Variants in EFCAB11 observed in about 807,000 individuals in gnomAD.
The protein encoded by EFCAB11 is EF-hand calcium binding domain 11.
Under a neutral mutation model 23.0 loss-of-function variants are expected in EFCAB11, and 14 were observed. The ratio of observed to expected loss-of-function variants is 0.61; its 90% CI spans 0.40 to 0.95. The LOEUF (loss-of-function observed/expected upper bound fraction) is 0.95. Ranked by LOEUF, EFCAB11 falls within the 40% of genes least tolerant of loss-of-function variation. The pLI is 0.00. For synonymous variants in EFCAB11, 65 were observed against 66.6 expected (o/e 0.98, Z 0.11); for missense variants, 198 against 195.8 (o/e 1.01, Z -0.07).
intron 5 of EFCAB11, among the ~76,000 whole-genome samples, chr14:89,806,928 A>G (rs1390541376): frequency 1.3e-5 from 2 of 152,200 alleles, no homozygotes; most frequent in Non-Finnish European, 2.9e-5. Flanking sequence ...AAAAAAAAGT[A>G]GTTTGAACCT....
chr14:89,954,749 G>A, upstream of EFCAB11: 1 of 1,530,932 alleles, frequency 6.5e-7, no homozygotes. Context: ...CACGCCCACC[G>A]CGGCTCAGGA....
At position 89,931,702 on chromosome 14, in the gene EFCAB11, T is replaced by C. The variant is rs911532794; in HGVS notation, c.320-71A>G. 32 of 1,336,630 alleles carry C rather than the reference T, an allele frequency of 2.4e-5. No individual in the cohort carries two copies. The East Asian group carries it at 7.3e-4, about 30-fold the overall frequency. The allele number at this position is 1,336,630 out of a possible 1,614,324, so 82.8% of individuals were successfully genotyped here. On this transcript the variant is annotated intron_variant, in intron 4 of 5. Transcript: ENST00000316738. ...ATCAACTGTTACTTCAGCCATAACA[T>C]TTGTGCAAAACTTATTTTAATATAT...
intron 5 of EFCAB11, among the ~76,000 whole-genome samples, chr14:89,886,168 C>T (rs1762803016): frequency 6.6e-6 from 1 of 152,146 alleles, no homozygotes; most frequent in Admixed American, 6.6e-5. Flanking sequence ...GGGGGACCTA[C>T]ATGTTTTCTC....
At chr14:89,899,515 A>C (rs1889278719) in intron 5 of EFCAB11, among the ~76,000 whole-genome samples, 1 of 152,174 alleles carries the variant, frequency 6.6e-6, no homozygotes, top group Non-Finnish European at 1.5e-5. Flanking sequence ...CCTGTTATAT[A>C]TCAAAAGATA....
At chr14:89,797,420 T>C in intron 5 of EFCAB11, 96 bp from the exon 6 acceptor site, 1 of 1,110,762 alleles carries the variant, frequency 9.0e-7, no homozygotes. Flanking sequence ...CATGTCTGTG[T>C]GAGAGAGGAA....
chr14:89,886,341 C>A (rs1031249886), intron 5 of EFCAB11, among the ~76,000 whole-genome samples: 2 of 151,832 alleles, frequency 1.3e-5, no homozygotes, highest in Non-Finnish European at 2.9e-5. Flanking sequence ...CTCTGTGAAA[C>A]CCCGTCTCTA....
intron 5 of EFCAB11, among the ~76,000 whole-genome samples, chr14:89,927,734 T>G (rs1332234014): frequency 1.3e-5 from 2 of 152,180 alleles, no homozygotes; most frequent in Admixed American, 6.5e-5. Context: ...TCTTTTTTTT[T>G]TTTTGAGACG....
At position 89,904,779 on chromosome 14, in the gene EFCAB11, G is replaced by A. The variant is rs149747307; in HGVS notation, c.410+26762C>T. On this transcript the variant is annotated intron_variant, in intron 5 of 5. Transcript: ENST00000316738. ...GTTGGCTGCATAAATATCTTCTTTT[G>A]AGAAGTGTCTGTTCATATCCTTTGC... Among the ~76,000 whole-genome samples the A allele has an allele frequency of 1.2e-3, 187 of 152,240 alleles. 3 individuals are homozygous for A. In the East Asian group the frequency reaches 0.034, roughly 28 times the overall value.
intron 5 of EFCAB11, among the ~76,000 whole-genome samples, chr14:89,905,959 T>A (rs780952677): frequency 1.3e-5 from 2 of 152,146 alleles, no homozygotes; most frequent in Non-Finnish European, 2.9e-5. Flanking sequence ...GGGATGAGGA[T>A]GATGACTTTC....
intron 5 of EFCAB11, among the ~76,000 whole-genome samples, chr14:89,817,138 G>A (rs1886360646): frequency 6.6e-6 from 1 of 152,002 alleles, no homozygotes. Flanking sequence ...ATTTTATTAT[G>A]TAAAAATTCT....
chr14:89,872,114 T>C (rs1383287609), intron 5 of EFCAB11, among the ~76,000 whole-genome samples: 2 of 152,242 alleles, frequency 1.3e-5, no homozygotes, highest in African/African-American at 4.8e-5. Context: ...GACAAAAGTC[T>C]GTAACAGCCT....
intron 5 of EFCAB11, among the ~76,000 whole-genome samples, chr14:89,862,045 G>T (rs998049686): frequency 2.6e-5 from 4 of 152,150 alleles, no homozygotes; most frequent in African/African-American, 9.7e-5. Context: ...GTGAATTTTA[G>T]TTTCCTTAGC....
chr14:89,878,834 T>C (rs1000884601), intron 5 of EFCAB11, among the ~76,000 whole-genome samples: 1 of 152,128 alleles, frequency 6.6e-6, no homozygotes, highest in African/African-American at 2.4e-5. Flanking sequence ...TTTCATCTTG[T>C]ATCTGACCAC....
chr14:89,873,257 G>A (rs1888338334), intron 5 of EFCAB11, among the ~76,000 whole-genome samples: 1 of 152,140 alleles, frequency 6.6e-6, no homozygotes, highest in Non-Finnish European at 1.5e-5. Context: ...CAGATCTCGT[G>A]AGGCTTATTC....
In EFCAB11 at chr14:89,902,712, A is replaced by G. The variant is rs73320755; in HGVS notation, c.410+28829T>C. On this transcript the variant is annotated intron_variant, in intron 5 of 5. Coordinates refer to ENST00000316738, the MANE Select transcript of EFCAB11 (RefSeq NM_145231.4). ...ATTAGAGAGAGTTGATACCACTCAG[A>G]ACACCACTGAACTAAATGCTGTTAT... Among the ~76,000 whole-genome samples the G allele has an allele frequency of 2.5e-3, 376 of 152,328 alleles. 2 individuals carry two copies. The highest frequency in any genetic ancestry group is 8.8e-3 in the African/African-American group (364 of 41,582).
At chr14:89,950,238 T>G (rs1891121697) in intron 2 of EFCAB11, 96 bp from the exon 3 acceptor site, 1 of 1,320,098 alleles carries the variant, frequency 7.6e-7, no homozygotes, top group Admixed American at 2.8e-5. Context: ...ATCTATTTTA[T>G]GAGAAACCAA....
At chr14:89,943,401 C>T (rs1890861372) in intron 3 of EFCAB11, among the ~76,000 whole-genome samples, 1 of 151,850 alleles carries the variant, frequency 6.6e-6, no homozygotes. Context: ...ACCATCAGGC[C>T]TGGCTCATTT....
chr14:89,945,114 C>T (rs1890933672), intron 3 of EFCAB11, among the ~76,000 whole-genome samples: 4 of 150,922 alleles, frequency 2.7e-5, no homozygotes, highest in Admixed American at 2.6e-4. Flanking sequence ...CTCTCTTTTC[C>T]CCCCCCACTC....
chr14:89,898,577 C>G (rs1162049413), intron 5 of EFCAB11, among the ~76,000 whole-genome samples: 3 of 151,420 alleles, frequency 2.0e-5, no homozygotes, highest in African/African-American at 7.3e-5. Context: ...GTTGACCAGG[C>G]TGGTCTTGAA....
Sources: gnomAD v4.1 joint callset for allele counts (sites outside exome capture counted in the v4.1 genomes callset) on GRCh38, gnomAD v4.1.1 for gene constraint, MANE v1.5 for transcripts, NCBI Gene and HGNC (gene_info 2026-07-23, HGNC 2026-07-21) for gene names.